Variants in MAOB observed in about 807,000 individuals in gnomAD.
MAOB encodes the protein amine oxidase [flavin-containing] B.
In MAOB, 15 loss-of-function variants were observed where a neutral mutation model predicts 41.9. The ratio of observed to expected loss-of-function variants is 0.36; its 90% CI spans 0.24 to 0.55. The LOEUF (loss-of-function observed/expected upper bound fraction) is 0.55. MAOB is among the 20% of genes least tolerant of loss of function. The pLI is 0.86. For synonymous variants in MAOB, 167 were observed against 144.2 expected (o/e 1.16, Z -1.13); for missense variants, 345 against 398.7 (o/e 0.87, Z 1.15).
intron 1 of MAOB, among the ~76,000 whole-genome samples, chrX:43,863,991 A>G (rs1267099749): frequency 9.0e-6 from 1 of 111,640 alleles, no homozygotes; most frequent in Non-Finnish European, 1.9e-5. Context: ...TCTCTATTAG[A>G]TTACAGTGTA....
rs772173752 is a variant in MAOB at position 43,863,402 on chromosome X, C to T, written c.46+18852G>A. On this transcript the variant is annotated intron_variant, in intron 1 of 14. Coordinates refer to ENST00000378069, the MANE Select transcript of MAOB (RefSeq NM_000898.5). ...AAAATCAGGTGAAAAGATAAAAAAT[C>T]GTGTCTATACTATGACAGCAAATAT... 2.7e-5 allele frequency among the ~76,000 whole-genome samples: 3 copies of T among 111,223 alleles called. No individual in the cohort carries two copies. The East Asian group carries it at 8.5e-4, about 31-fold the overall frequency.
chrX:43,834,455 T>C (rs1179152099), intron 3 of MAOB, among the ~76,000 whole-genome samples: 3 of 112,225 alleles, frequency 2.7e-5, no homozygotes, highest in African/African-American at 9.7e-5. Flanking sequence ...GCAATTATCA[T>C]TTGCATTTTT....
intron 12 of MAOB, among the ~76,000 whole-genome samples, chrX:43,771,125 C>A (rs1188841036): frequency 9.0e-6 from 1 of 111,617 alleles, no homozygotes; most frequent in East Asian, 2.8e-4. Flanking sequence ...GAAGAAAATA[C>A]AAGGAGAGAT....
intron 6 of MAOB, 107 bp from the exon 7 acceptor site, chrX:43,795,995 T>C (rs1463945628): frequency 2.4e-6 from 2 of 844,622 alleles, no homozygotes; most frequent in East Asian, 3.4e-5. Context: ...ACATTTCATT[T>C]TGCTGCAGTG....
intron 3 of MAOB, among the ~76,000 whole-genome samples, chrX:43,804,499 T>A (rs1242189543): frequency 9.1e-6 from 1 of 110,276 alleles, no homozygotes; most frequent in Non-Finnish European, 1.9e-5. Flanking sequence ...GATATATAGA[T>A]ACATAGATAC....
intron 5 of MAOB, among the ~76,000 whole-genome samples, chrX:43,798,513 G>C (rs1231128074): frequency 8.9e-6 from 1 of 111,779 alleles, no homozygotes; most frequent in Non-Finnish European, 1.9e-5. Context: ...GTAAGCTTTT[G>C]CTTGACATTG....
At chrX:43,830,511 T>C (rs980464171) in intron 3 of MAOB, among the ~76,000 whole-genome samples, 1 of 112,389 alleles carries the variant, frequency 8.9e-6, no homozygotes, top group Non-Finnish European at 1.9e-5. Flanking sequence ...TGTTTGGGCA[T>C]GTGAGTTTAG....
At chrX:43,795,459 G>T (rs1004133739) in intron 7 of MAOB, among the ~76,000 whole-genome samples, 2 of 111,019 alleles carry the variant, frequency 1.8e-5, no homozygotes, top group African/African-American at 3.3e-5. Flanking sequence ...CCTTATGTAG[G>T]CACAATTGAT....
intron 8 of MAOB, among the ~76,000 whole-genome samples, chrX:43,784,686 A>T (rs1458592509): frequency 8.9e-6 from 1 of 112,080 alleles, no homozygotes; most frequent in Non-Finnish European, 1.9e-5. Context: ...CCTGAATGGT[A>T]AATGGACATT....
At chrX:43,832,040 C>T (rs1207973349) in intron 3 of MAOB, among the ~76,000 whole-genome samples, 1 of 111,875 alleles carries the variant, frequency 8.9e-6, no homozygotes, top group African/African-American at 3.2e-5. Context: ...ACCAGTTTCA[C>T]TAAAGCTGAT....
At chrX:43,771,055 G>A (rs1043977781) in intron 12 of MAOB, among the ~76,000 whole-genome samples, 1 of 112,049 alleles carries the variant, frequency 8.9e-6, no homozygotes, top group Non-Finnish European at 1.9e-5. Context: ...AACCAAATGA[G>A]CTGGCTTGCA....
intron 3 of MAOB, among the ~76,000 whole-genome samples, chrX:43,836,188 C>G (rs1007827464): frequency 3.6e-5 from 4 of 112,040 alleles, no homozygotes; most frequent in African/African-American, 1.3e-4. Flanking sequence ...GCAAATTTCT[C>G]AACTACATTC....
At position 43,877,428 on chromosome X, in the gene MAOB, G is replaced by A. The variant is rs1287219927; in HGVS notation, c.46+4826C>T. Among the ~76,000 whole-genome samples the A allele has an allele frequency of 3.6e-5, 4 of 110,655 alleles. No individual in the cohort carries two copies. In the East Asian group the frequency reaches 1.1e-3, roughly 32 times the overall value. ...AACCGGCCCCAACACTGTGTCCCAGGGGTGTTAGAATCAAGCAGAAAGAAC... is the reference window on the plus strand; with the variant it reads ...AACCGGCCCCAACACTGTGTCCCAGAGGTGTTAGAATCAAGCAGAAAGAAC... On this transcript the variant is annotated intron_variant, in intron 1 of 14. Transcript: ENST00000378069.
At chrX:43,816,474 T>G (rs2034816212) in intron 3 of MAOB, among the ~76,000 whole-genome samples, 1 of 112,012 alleles carries the variant, frequency 8.9e-6, no homozygotes, top group African/African-American at 3.2e-5. Flanking sequence ...TTGATGTAAC[T>G]TCTGAGTTCA....
intron 1 of MAOB, among the ~76,000 whole-genome samples, chrX:43,852,244 C>T (rs2035256817): frequency 8.9e-6 from 1 of 112,030 alleles, no homozygotes; most frequent in Admixed American, 9.5e-5. Context: ...ATCTTTATGA[C>T]CCCAAAGCAT....
chrX:43,880,125 C>T (rs1199177591), intron 1 of MAOB, among the ~76,000 whole-genome samples: 2 of 112,293 alleles, frequency 1.8e-5, no homozygotes, highest in African/African-American at 6.5e-5. Flanking sequence ...TCCACATCAG[C>T]TTGTGAGGGC....
chrX:43,875,598 TCTTGTG>T (rs1321296114), intron 1 of MAOB, among the ~76,000 whole-genome samples: 1 of 111,690 alleles, frequency 9.0e-6, no homozygotes, highest in Non-Finnish European at 1.9e-5. Context: ...CAAAGCATTC[TCTTGTG>T]GGGCTGAAAA....
intron 3 of MAOB, among the ~76,000 whole-genome samples, chrX:43,813,694 G>A (rs1198944350): frequency 8.9e-6 from 1 of 111,760 alleles, no homozygotes; most frequent in Non-Finnish European, 1.9e-5. Context: ...TCTAATGGCT[G>A]TCACATCAGT....
At chrX:43,876,812 G>GT (rs1331281663) in intron 1 of MAOB, among the ~76,000 whole-genome samples, 1 of 112,513 alleles carries the variant, frequency 8.9e-6, no homozygotes, top group African/African-American at 3.2e-5. Flanking sequence ...CAGAATCTCT[G>GT]TTACAGGCTA....
Sources: allele counts gnomAD v4.1 joint callset (sites outside exome capture counted in the v4.1 genomes callset), GRCh38; gene constraint gnomAD v4.1.1; transcripts MANE v1.5; gene names NCBI Gene and HGNC (gene_info 2026-07-23, HGNC 2026-07-21).